Variants in SEMA3E observed in about 807,000 individuals in gnomAD.
SEMA3E encodes semaphorin-3E.
Under a neutral mutation model 93.6 loss-of-function variants are expected in SEMA3E, and 49 were observed. The ratio of observed to expected loss-of-function variants is 0.52; its 90% CI spans 0.42 to 0.66. The LOEUF (loss-of-function observed/expected upper bound fraction) is 0.66. Ranked by LOEUF, SEMA3E falls within the 30% of genes least tolerant of loss-of-function variation. SEMA3E has a pLI of 0.00. For synonymous variants in SEMA3E, 363 were observed against 330.7 expected, an observed-to-expected ratio of 1.10 and a Z score of -1.06; for missense variants, 906 against 964.8, an observed-to-expected ratio of 0.94 and a Z score of 0.81.
At chr7:83,555,260 G>T (rs1791863594) in intron 1 of SEMA3E, among the ~76,000 whole-genome samples, 1 of 152,158 alleles carries the variant, frequency 6.6e-6, no homozygotes, top group African/African-American at 2.4e-5. Context: ...AAAAGTTGAA[G>T]TGTCCCAGAC....
In SEMA3E at chr7:83,495,136, G is replaced by C. The variant is rs577757281; in HGVS notation, c.116-4862C>G. 1.6e-3 allele frequency among the ~76,000 whole-genome samples: 250 copies of C among 151,844 alleles called. 1 individual carries two copies. Among genetic ancestry groups the C allele is most frequent in the Non-Finnish European group, 1.8e-3 (122 of 67,822 alleles). On this transcript the variant is annotated intron_variant, in intron 1 of 16. Coordinates refer to ENST00000643230, the MANE Select transcript of SEMA3E (RefSeq NM_012431.3). ...TAAATAAGTTGGCCTGCTGTCGATA[G>C]CTTTTCATGATTATATAATCATGTT...
intron 13 of SEMA3E, among the ~76,000 whole-genome samples, 181 bp downstream of exon 13, chr7:83,394,116 G>T (rs904612250): frequency 6.6e-6 from 1 of 152,040 alleles, no homozygotes; most frequent in Non-Finnish European, 1.5e-5. Flanking sequence ...TTAATATTTT[G>T]TTAACAGGGT....
chr7:83,430,002 A>G (rs2063172165), intron 4 of SEMA3E, among the ~76,000 whole-genome samples: 1 of 152,194 alleles, frequency 6.6e-6, no homozygotes, highest in Non-Finnish European at 1.5e-5. Context: ...TTGTATTGTG[A>G]TTATGCACTC....
rs1035189230 is a variant in SEMA3E at position 83,432,641 on chromosome 7, G to A, written c.457-14158C>T. ...GATACACAAAATTGACATAGGTATC[G>A]AAAGTTAGGCAATCATATATGCTTT... On this transcript the variant is annotated intron_variant, in intron 4 of 16. Transcript: ENST00000643230. Among the ~76,000 whole-genome samples, 13 of 152,232 alleles carry A rather than the reference G, an allele frequency of 8.5e-5. No individual in the cohort carries two copies. In the South Asian group the frequency reaches 1.0e-3, roughly 12 times the overall value.
At chr7:83,598,482 G>A (rs1049660738) in intron 1 of SEMA3E, among the ~76,000 whole-genome samples, 6 of 152,162 alleles carry the variant, frequency 3.9e-5, no homozygotes, top group African/African-American at 1.4e-4. Context: ...TTTATAAAGT[G>A]ACCTTGGGTT....
At chr7:83,508,044 T>C (rs1790740084) in intron 1 of SEMA3E, among the ~76,000 whole-genome samples, 1 of 152,114 alleles carries the variant, frequency 6.6e-6, no homozygotes, top group South Asian at 2.1e-4. Flanking sequence ...ACAGATATGA[T>C]ATTGAGGCAT....
intron 4 of SEMA3E, among the ~76,000 whole-genome samples, chr7:83,461,232 A>C (rs1232992337): frequency 6.6e-6 from 1 of 151,538 alleles, no homozygotes; most frequent in African/African-American, 2.4e-5. Context: ...CTCGTCCCAA[A>C]TCTTCCTTCT....
At chr7:83,372,254 A>G (rs1247732560) in intron 16 of SEMA3E, 2 of 398,024 alleles carry the variant, frequency 5.0e-6, no homozygotes, top group African/African-American at 2.1e-5. Context: ...AAAGAGGGCT[A>G]CATCACAGAT....
intron 16 of SEMA3E, among the ~76,000 whole-genome samples, chr7:83,375,312 T>C (rs1794805348): frequency 1.3e-5 from 2 of 152,152 alleles, no homozygotes; most frequent in African/African-American, 4.8e-5. Flanking sequence ...AAGTACATCT[T>C]TCCTGGCACT....
rs146704910 is a variant in SEMA3E at position 83,605,223 on chromosome 7, G to T, written c.115+43205C>A. On this transcript the variant is annotated intron_variant, in intron 1 of 16. Coordinates refer to ENST00000643230, the MANE Select transcript of SEMA3E (RefSeq NM_012431.3). ...AATCACCACAATGTCTTCCACAATG[G>T]ATGAACTAATTTACATTCCCACCCA... Among the ~76,000 whole-genome samples the T allele has an allele frequency of 1.8e-4, 27 of 152,234 alleles. No individual in the cohort carries two copies. The East Asian group carries it at 5.0e-3, about 28-fold the overall frequency.
chr7:83,420,802 T>G lies in SEMA3E; in HGVS notation c.457-2319A>C, dbSNP rs951409121. On this transcript the variant is annotated intron_variant, in intron 4 of 16. Coordinates refer to ENST00000643230, the MANE Select transcript of SEMA3E (RefSeq NM_012431.3). ...AAGAATGAAATGGGGCTCCTACTTTTGCCATATACAAAAATTAACTCAATA... is the reference window on the plus strand; with the variant it reads ...AAGAATGAAATGGGGCTCCTACTTTGGCCATATACAAAAATTAACTCAATA... Among the ~76,000 whole-genome samples, 24 of 152,190 alleles carry G rather than the reference T, an allele frequency of 1.6e-4. 1 individual carries two copies. The highest frequency in any genetic ancestry group is 2.9e-5 in the Non-Finnish European group (2 of 68,022).
At chr7:83,523,371 CA>C (rs1350234610) in intron 1 of SEMA3E, among the ~76,000 whole-genome samples, 1 of 151,910 alleles carries the variant, frequency 6.6e-6, no homozygotes, top group African/African-American at 2.4e-5. Context: ...GGAAAGAGGT[CA>C]GGGGATGGAG....
chr7:83,368,770 AATAATT>A (rs1303469243), intron 16 of SEMA3E, among the ~76,000 whole-genome samples: 4 of 152,320 alleles, frequency 2.6e-5, no homozygotes, highest in Admixed American at 6.5e-5. Flanking sequence ...TCTATAAATA[AATAATT>A]ATAATTCAGA....
At chr7:83,496,811 T>G (rs909703516) in intron 1 of SEMA3E, among the ~76,000 whole-genome samples, 3 of 152,000 alleles carry the variant, frequency 2.0e-5, no homozygotes, top group Admixed American at 2.0e-4. Context: ...TTCATGCTGC[T>G]TCAAGCTGCC....
intron 1 of SEMA3E, among the ~76,000 whole-genome samples, chr7:83,539,621 C>T (rs1286566890): frequency 4.6e-5 from 7 of 152,136 alleles, no homozygotes; most frequent in Admixed American, 3.3e-4. Context: ...CTTTCCAAAC[C>T]GTTTTTGCTG....
intron 2 of SEMA3E, among the ~76,000 whole-genome samples, chr7:83,474,630 C>T (rs1033626955): frequency 5.9e-5 from 9 of 152,110 alleles, no homozygotes; most frequent in Admixed American, 4.6e-4. Context: ...ACATAAAATC[C>T]TAGAAAAGAT....
chr7:83,469,231 A>T lies in SEMA3E; in HGVS notation c.336+12T>A, dbSNP rs1274740842. ...TTGATGATTTGTTTAATTTACAATGAATCATACTTACCGCATCTTTTCCCT... is the reference window on the plus strand; with the variant it reads ...TTGATGATTTGTTTAATTTACAATGTATCATACTTACCGCATCTTTTCCCT... On this transcript the variant is annotated intron_variant, in intron 3 of 16. Coordinates refer to ENST00000643230, the MANE Select transcript of SEMA3E (RefSeq NM_012431.3). The T allele has an allele frequency of 1.9e-6, 3 of 1,594,554 alleles. No individual in the cohort carries two copies. Among genetic ancestry groups the T allele is most frequent in the Non-Finnish European group, 2.6e-6 (3 of 1,162,890 alleles).
chr7:83,479,302 C>T (rs539877611), intron 2 of SEMA3E, among the ~76,000 whole-genome samples: 21 of 152,260 alleles, frequency 1.4e-4, no homozygotes, highest in African/African-American at 4.6e-4. Flanking sequence ...ACCACTCCTC[C>T]GAAACTTTCT....
chr7:83,391,833 A>G (rs572379770), intron 14 of SEMA3E, among the ~76,000 whole-genome samples: 6 of 152,310 alleles, frequency 3.9e-5, no homozygotes, highest in Non-Finnish European at 7.4e-5. Flanking sequence ...AAAATTGTCT[A>G]TACTTCTATT....
Sources: gnomAD v4.1 joint callset for allele counts (sites outside exome capture counted in the v4.1 genomes callset) on GRCh38, gnomAD v4.1.1 for gene constraint, MANE v1.5 for transcripts, NCBI Gene and HGNC (gene_info 2026-07-23, HGNC 2026-07-21) for gene names.